The following ITPKB variants were observed in gnomAD, a reference collection of about 807,000 sequenced individuals.
The protein encoded by ITPKB is IP3 3-kinase B.
A neutral mutation model predicts 69.4 loss-of-function variants in ITPKB; 13 were observed. The ratio of observed to expected loss-of-function variants is 0.19; its 90% confidence interval spans 0.12 to 0.30. The LOEUF is 0.30. Among genes scored for constraint, ITPKB ranks in the 10% least tolerant of loss-of-function variants. The pLI, the probability that ITPKB is intolerant of heterozygous loss-of-function variation, is 1.00. For missense variants in ITPKB, 1,240 were observed against 1,250.5 expected, an observed-to-expected ratio of 0.99 and a Z score of 0.13; for synonymous variants, 584 against 513.7, an observed-to-expected ratio of 1.14 and a Z score of -1.85.
intron 2 of ITPKB, among the ~76,000 whole-genome samples, chr1:226,674,572 G>C (rs1669688920): frequency 6.6e-6 from 1 of 152,110 alleles, no homozygotes; most frequent in Non-Finnish European, 1.5e-5. Context: ...GACCTCAGGT[G>C]ATCTGCCCGC....
chr1:226,670,159 C>G (rs750305346), intron 2 of ITPKB, among the ~76,000 whole-genome samples: 1 of 130,054 alleles, frequency 7.7e-6, no homozygotes, highest in African/African-American at 3.1e-5. Flanking sequence ...CAGGCGTGAG[C>G]CACCAAGCTC....
intron 2 of ITPKB, among the ~76,000 whole-genome samples, chr1:226,722,628 A>C (rs895179665): frequency 2.6e-5 from 4 of 152,196 alleles, no homozygotes; most frequent in Non-Finnish European, 5.9e-5. Context: ...CACATTCGCC[A>C]TCAGACCACC....
chr1:226,716,256 GTA>G (rs1397583852), intron 2 of ITPKB, among the ~76,000 whole-genome samples: 1 of 152,168 alleles, frequency 6.6e-6, no homozygotes, highest in East Asian at 1.9e-4. Flanking sequence ...GAATAGTTTT[GTA>G]TATCTCATAT....
chr1:226,678,821 G>T (rs1171559348), intron 2 of ITPKB, among the ~76,000 whole-genome samples: 1 of 152,216 alleles, frequency 6.6e-6, no homozygotes, highest in Non-Finnish European at 1.5e-5. Flanking sequence ...CAGGAAGGAG[G>T]TTTCCTGTGT....
intron 2 of ITPKB, among the ~76,000 whole-genome samples, chr1:226,649,510 T>A (rs941348074): frequency 6.7e-5 from 10 of 148,444 alleles, no homozygotes; most frequent in African/African-American, 2.5e-4. Flanking sequence ...ATGCGTGATA[T>A]GTGCATGTGT....
At chr1:226,684,108 G>A (rs3820641) in intron 2 of ITPKB, among the ~76,000 whole-genome samples, 2,170 of 152,176 alleles carry the variant, frequency 0.014, 107 homozygotes, top group Admixed American at 0.08. Flanking sequence ...CACAGCACCC[G>A]ATTCTCTCCC....
chr1:226,697,845 G>A lies in ITPKB; in HGVS notation c.1932+37682C>T, dbSNP rs375426964. 4.6e-5 allele frequency among the ~76,000 whole-genome samples: 7 copies of A among 152,354 alleles called. No homozygotes were observed. The East Asian group carries it at 9.6e-4, about 21-fold the overall frequency. On this transcript the variant is annotated intron_variant, in intron 2 of 7. Coordinates refer to ENST00000429204, the MANE Select transcript of ITPKB (RefSeq NM_002221.4). The stretch of plus-strand genomic sequence containing the variant: ...AGTTCTGTGGCCTGCCCTGGCAGAT[G>A]TGCCCTCACATCTGGGTGATAAGGG...
At chr1:226,707,980 C>T in intron 2 of ITPKB, 1 of 1,051,580 alleles carries the variant, frequency 9.5e-7, no homozygotes, top group Non-Finnish European at 1.3e-6. Context: ...GCAATAACTG[C>T]AACAAAATAT....
intron 7 of ITPKB, among the ~76,000 whole-genome samples, chr1:226,636,317 G>T (rs762671503): frequency 6.6e-6 from 1 of 152,218 alleles, no homozygotes; most frequent in African/African-American, 2.4e-5. Context: ...TGGGGGACAA[G>T]GAGAGCAAAG....
chr1:226,691,414 G>T lies in ITPKB; in HGVS notation c.1933-42643C>A, dbSNP rs564997050. On this transcript the variant is annotated intron_variant, in intron 2 of 7. Coordinates refer to ENST00000429204, the MANE Select transcript of ITPKB (RefSeq NM_002221.4). ...TGCTGGGGTGGGGCCTGGCTGGGGG[G>T]ACTCTGCATGCACAGTAAGCAAGCA... is the stretch of plus-strand genomic sequence containing the variant. Among the ~76,000 whole-genome samples, 4 of 152,198 alleles carry T rather than the reference G, an allele frequency of 2.6e-5. No homozygotes were observed. The South Asian group carries it at 8.3e-4, about 32-fold the overall frequency.
intron 2 of ITPKB, among the ~76,000 whole-genome samples, chr1:226,713,621 A>T (rs1358972757): frequency 6.6e-6 from 1 of 152,110 alleles, no homozygotes; most frequent in Non-Finnish European, 1.5e-5. Flanking sequence ...GGTTTACTAA[A>T]ATCATCCAGA....
intron 7 of ITPKB, among the ~76,000 whole-genome samples, chr1:226,635,864 C>T (rs1337769601): frequency 6.6e-6 from 1 of 152,252 alleles, no homozygotes; most frequent in African/African-American, 2.4e-5. Context: ...AATATGGCCA[C>T]ACATACCCCT....
chr1:226,692,214 T>C (rs917899626), intron 2 of ITPKB, among the ~76,000 whole-genome samples: 1 of 152,118 alleles, frequency 6.6e-6, no homozygotes, highest in East Asian at 1.9e-4. Flanking sequence ...TTACACTCTT[T>C]CCATTACACT....
At position 226,736,543 on chromosome 1, in the gene ITPKB, C is replaced by T. The variant is rs902547766; in HGVS notation, c.916G>A (p.Val306Met). ...FGASLTMATE[V>M]AARVTSTGPH... is the part of the protein sequence containing the mutation. ...CCAGTGGATGTAACTCTCGCTGCCA[C>T]TTCCGTGGCCATCGTTAAGCTAGCT... is the stretch of plus-strand genomic sequence containing the variant. Residue 306 changes from valine to methionine, a missense_variant, in exon 2 of 8, where the codon GTG becomes ATG. Transcript: ENST00000429204. The T allele has an allele frequency of 3.1e-6, 5 of 1,613,932 alleles. No individual in the cohort carries two copies. Among genetic ancestry groups the T allele is most frequent in the Non-Finnish European group, 4.2e-6 (5 of 1,180,042 alleles).
intron 2 of ITPKB, among the ~76,000 whole-genome samples, chr1:226,715,270 G>A (rs548530504): frequency 9.2e-5 from 14 of 152,350 alleles, no homozygotes; most frequent in Admixed American, 2.0e-4. Flanking sequence ...TGGGTAAAGC[G>A]TTAGTTCACT....
intron 3 of ITPKB, among the ~76,000 whole-genome samples, chr1:226,647,611 CT>C (rs1669087915): frequency 6.6e-6 from 1 of 152,366 alleles, no homozygotes; most frequent in African/African-American, 2.4e-5. Flanking sequence ...CTCCAGACTC[CT>C]CCTCACCAGT....
At position 226,637,863 on chromosome 1, in the gene ITPKB, C is replaced by T. The variant is rs909902899; in HGVS notation, c.2554-113G>A. The stretch of plus-strand genomic sequence containing the variant: ...CGTGAATGTGCTTTACCCTAAACGC[C>T]GGACATCTAGAGGCAGCTTCCTGCG... On this transcript the variant is annotated intron_variant, in intron 6 of 7. Coordinates refer to ENST00000429204, the MANE Select transcript of ITPKB (RefSeq NM_002221.4). This position sits in a 1 kb window ranked among gnomAD's most constrained non-coding sequence, Gnocchi z 4.3. 15 of 766,902 alleles carry T rather than the reference C, an allele frequency of 2.0e-5. No individual in the cohort carries two copies. The highest frequency in any genetic ancestry group is 1.0e-4 in the African/African-American group (6 of 57,642). 47.5% of individuals were successfully genotyped at this position (766,902 alleles called of 1,614,324 possible).
intron 2 of ITPKB, among the ~76,000 whole-genome samples, chr1:226,691,182 T>C (rs1021644243): frequency 1.3e-5 from 2 of 151,986 alleles, no homozygotes; most frequent in African/African-American, 2.4e-5. Flanking sequence ...CACTAAACTG[T>C]GCACTTAAAA....
intron 2 of ITPKB, among the ~76,000 whole-genome samples, chr1:226,712,956 C>T (rs1377556055): frequency 1.3e-5 from 2 of 150,998 alleles, no homozygotes; most frequent in East Asian, 2.0e-4. Flanking sequence ...AGTGGGTGTA[C>T]GCATGTGCCC....
Sources: allele counts gnomAD v4.1 joint callset (sites outside exome capture counted in the v4.1 genomes callset), GRCh38; gene constraint gnomAD v4.1.1; non-coding constraint Gnocchi (gnomAD v3.1); transcripts MANE v1.5; gene names NCBI Gene and HGNC (gene_info 2026-07-23, HGNC 2026-07-21).